FRMD6: variants seen among roughly 807,000 people sequenced by gnomAD.
The protein encoded by FRMD6 is FERM domain-containing protein 6.
FRMD6 carries 37 observed loss-of-function variants against 73.2 expected under a neutral mutation model. The observed-to-expected ratio is 0.51, with a 90% CI of 0.39 to 0.66. The LOEUF is 0.66. Ranked by LOEUF, FRMD6 falls within the 30% of genes least tolerant of loss-of-function variation. The probability of loss-of-function intolerance (pLI) is 0.00; values close to 1 mark genes in which losing one functional copy is unlikely to be tolerated. For synonymous variants in FRMD6, 273 were observed against 282.2 expected (o/e 0.97, Z 0.33); for missense variants, 714 against 780.5 (o/e 0.91, Z 1.02).
At chr14:51,527,033 A>C (rs1436348932) in intron 1 of FRMD6, among the ~76,000 whole-genome samples, 2 of 152,268 alleles carry the variant, frequency 1.3e-5, no homozygotes, top group Non-Finnish European at 2.9e-5. Context: ...ATGTATCCAC[A>C]ATCAAATGTA....
At chr14:51,603,226 A>G (rs922070907) in intron 2 of FRMD6, among the ~76,000 whole-genome samples, 1 of 148,696 alleles carries the variant, frequency 6.7e-6, no homozygotes, top group Non-Finnish European at 1.5e-5. Flanking sequence ...CCAGAACTAT[A>G]GGAAAAAAAT....
chr14:51,401,003 A>G, the FRMD6 span, among the ~76,000 whole-genome samples: 2 of 152,228 alleles, frequency 1.3e-5, no homozygotes, highest in African/African-American at 4.8e-5. Flanking sequence ...TAGAATTGGA[A>G]CTACTGGGTA....
chr14:51,699,862 T>C (rs1046669862), intron 3 of FRMD6, among the ~76,000 whole-genome samples: 4 of 152,062 alleles, frequency 2.6e-5, no homozygotes, highest in Admixed American at 6.6e-5. Context: ...TGGTCTTGTT[T>C]ATTTCATGTT....
chr14:51,451,027 T>C, the FRMD6 span, among the ~76,000 whole-genome samples: 1 of 152,098 alleles, frequency 6.6e-6, no homozygotes, highest in African/African-American at 2.4e-5. Flanking sequence ...GGTAATGACG[T>C]GGAGGAGTTG....
In FRMD6 at chr14:51,704,760, C is replaced by G; in HGVS notation, c.383C>G (p.Ala128Gly). Residue 128 changes from alanine (A) to glycine (G), a missense_variant, in exon 6 of 14, where the codon GCA (alanine) becomes GGA (glycine). Ala to Gly is a moderately conservative substitution (Grantham distance 60, BLOSUM62 0). Coordinates refer to ENST00000344768, the MANE Select transcript of FRMD6 (RefSeq NM_001267046.2). ...ENGRLISDRA[A>G]RYYYYWHLRK... Reference sequence around the variant, plus strand: ...TTTTATTTTTCTAGTGACAGAGCAGCAAGATACTATTATTACTGGCACCTG... The same window carrying G: ...TTTTATTTTTCTAGTGACAGAGCAGGAAGATACTATTATTACTGGCACCTG... 1 of 1,610,706 alleles carries G rather than the reference C, an allele frequency of 6.2e-7. No individual in the cohort carries two copies. Among genetic ancestry groups the G allele is most frequent in the Non-Finnish European group, 8.5e-7 (1 of 1,177,914 alleles).
At chr14:51,473,538 T>C in the FRMD6 span, among the ~76,000 whole-genome samples, 1 of 152,164 alleles carries the variant, frequency 6.6e-6, no homozygotes, top group African/African-American at 2.4e-5. Flanking sequence ...ACACCCTCCA[T>C]TGAGGAAATT....
the FRMD6 span, among the ~76,000 whole-genome samples, chr14:51,432,714 C>T: frequency 1.3e-5 from 2 of 152,150 alleles, no homozygotes; most frequent in African/African-American, 4.8e-5. Context: ...GTTAAGACAC[C>T]AACCAAACTG....
intron 8 of FRMD6, 89 bp from the exon 9 acceptor site, chr14:51,712,394 G>A (rs1896993725): frequency 4.0e-6 from 3 of 755,126 alleles, no homozygotes; most frequent in Non-Finnish European, 7.0e-6. Context: ...TTTAATTACT[G>A]TATTTTGGTT....
chr14:51,702,483 T>G, intron 4 of FRMD6, 29 bp from the exon 5 acceptor site: 1 of 1,589,640 alleles, frequency 6.3e-7, no homozygotes, highest in East Asian at 2.2e-5. Context: ...TAGAAATAGC[T>G]TGATTTTTGT....
chr14:51,653,451 C>G (rs968434924), intron 1 of FRMD6, among the ~76,000 whole-genome samples: 1 of 152,106 alleles, frequency 6.6e-6, no homozygotes, highest in Non-Finnish European at 1.5e-5. Flanking sequence ...GAAAATTTTC[C>G]GTAATACATC....
the FRMD6 span, among the ~76,000 whole-genome samples, chr14:51,398,311 A>G: frequency 4.0e-3 from 602 of 152,242 alleles, 2 homozygotes; most frequent in East Asian, 8.5e-3. Flanking sequence ...CCTCCCGTGA[A>G]CACATAGAGG....
the FRMD6 span, among the ~76,000 whole-genome samples, chr14:51,480,210 A>G: frequency 6.6e-6 from 1 of 152,218 alleles, no homozygotes; most frequent in South Asian, 2.1e-4. Flanking sequence ...GAAAAACAGC[A>G]GAGCAATGAA....
chr14:51,662,186 A>G lies in FRMD6; in HGVS notation c.-147+10190A>G, dbSNP rs531499529. On this transcript the variant is annotated intron_variant, in intron 1 of 13. Coordinates refer to ENST00000344768, the MANE Select transcript of FRMD6 (RefSeq NM_001267046.2). ...ATGTGTTCTTTAATTCAATCTATTG[A>G]TCCTTGTCTTAGATTGTTTTTTGAT... 4.6e-5 allele frequency among the ~76,000 whole-genome samples: 7 copies of G among 152,258 alleles called. No homozygotes were observed. In the South Asian group the frequency reaches 1.4e-3, roughly 32 times the overall value.
intron 1 of FRMD6, among the ~76,000 whole-genome samples, chr14:51,544,239 T>C (rs894189673): frequency 1.3e-5 from 2 of 152,090 alleles, no homozygotes; most frequent in East Asian, 3.8e-4. Context: ...AATAATACTT[T>C]ATTAATGGAA....
the FRMD6 span, among the ~76,000 whole-genome samples, chr14:51,433,949 G>A: frequency 2.0e-5 from 3 of 152,278 alleles, no homozygotes; most frequent in Admixed American, 6.5e-5. Context: ...CGAACTGTAC[G>A]CAAATATCTT....
At chr14:51,603,911 G>A (rs1178212844) in intron 2 of FRMD6, among the ~76,000 whole-genome samples, 3 of 150,232 alleles carry the variant, frequency 2.0e-5, no homozygotes, top group African/African-American at 2.5e-5. Context: ...GCCATACGAT[G>A]TCCTGCCTTC....
intron 2 of FRMD6, among the ~76,000 whole-genome samples, chr14:51,572,585 G>C (rs1566476479): frequency 6.6e-6 from 1 of 152,172 alleles, no homozygotes; most frequent in Non-Finnish European, 1.5e-5. Flanking sequence ...GATTAAACAA[G>C]TGTCCAATAA....
chr14:51,631,190 C>T (rs551241754), intron 2 of FRMD6, among the ~76,000 whole-genome samples: 4 of 152,226 alleles, frequency 2.6e-5, no homozygotes, highest in South Asian at 2.1e-4. Context: ...TTGGGTAAGA[C>T]GAATCTTTAC....
At chr14:51,583,809 T>C (rs1196050628) in intron 2 of FRMD6, among the ~76,000 whole-genome samples, 1 of 152,204 alleles carries the variant, frequency 6.6e-6, no homozygotes, top group East Asian at 1.9e-4. Flanking sequence ...TTGGTTCTGG[T>C]GCAGAACCTT....
Sources: allele counts gnomAD v4.1 joint callset (sites outside exome capture counted in the v4.1 genomes callset), GRCh38; gene constraint gnomAD v4.1.1; transcripts MANE v1.5; gene names NCBI Gene and HGNC (gene_info 2026-07-23, HGNC 2026-07-21).